The following CNTN5 variants were observed in gnomAD, a reference collection of about 807,000 sequenced individuals.
CNTN5 encodes contactin-5.
CNTN5 carries 77 observed loss-of-function variants against 129.1 expected under a neutral mutation model. The observed-to-expected ratio is 0.60, with a 90% CI of 0.50 to 0.72. The LOEUF (loss-of-function observed/expected upper bound fraction) is 0.72, where lower values mean the gene tolerates loss of function less well. Among genes scored for constraint, CNTN5 ranks in the 30% least tolerant of loss-of-function variants. The pLI is 0.00. For missense variants in CNTN5, 1,478 were observed against 1,328.8 expected (o/e 1.11, Z -1.75); for synonymous variants, 509 against 465.6 (o/e 1.09, Z -1.20).
At chr11:99,328,471 C>T (rs1345046016) in intron 2 of CNTN5, among the ~76,000 whole-genome samples, 1 of 152,074 alleles carries the variant, frequency 6.6e-6, no homozygotes, top group African/African-American at 2.4e-5. Flanking sequence ...TGTTTTACTA[C>T]TTGCAAAAAT....
rs375197895 is a variant in CNTN5 at position 99,642,544 on chromosome 11, A to G, written c.55+86275A>G. 1.2e-4 allele frequency among the ~76,000 whole-genome samples: 19 copies of G among 152,200 alleles called. No individual in the cohort carries two copies. In the East Asian group the frequency reaches 2.3e-3, roughly 18 times the overall value. On this transcript the variant is annotated intron_variant, in intron 3 of 24. Coordinates refer to ENST00000524871, the MANE Select transcript of CNTN5 (RefSeq NM_014361.4). ...GTGTGATGTTTTGATACATTTATAC[A>G]TCGTGTAATGAACAATTCAGGTAAT...
chr11:99,711,064 G>A (rs962217085), intron 3 of CNTN5, among the ~76,000 whole-genome samples: 3 of 151,824 alleles, frequency 2.0e-5, no homozygotes, highest in African/African-American at 7.3e-5. Context: ...GATTCTAATT[G>A]TACATAACCT....
chr11:99,261,314 C>A (rs2135824021), intron 1 of CNTN5, among the ~76,000 whole-genome samples: 1 of 152,028 alleles, frequency 6.6e-6, no homozygotes, highest in East Asian at 1.9e-4. Context: ...TAGACAATAT[C>A]TTCATAAGGG....
intron 13 of CNTN5, among the ~76,000 whole-genome samples, chr11:100,131,896 C>T (rs1203458244): frequency 6.6e-6 from 1 of 151,990 alleles, no homozygotes; most frequent in Non-Finnish European, 1.5e-5. Context: ...ACAGAGTATT[C>T]TAGGGACCTT....
At chr11:100,098,440 T>C (rs1945094025) in intron 13 of CNTN5, among the ~76,000 whole-genome samples, 1 of 152,070 alleles carries the variant, frequency 6.6e-6, no homozygotes, top group Admixed American at 6.6e-5. Flanking sequence ...ACTAGGATTT[T>C]CTTATTTCCA....
At chr11:99,839,993 G>A (rs1163402279) in intron 4 of CNTN5, among the ~76,000 whole-genome samples, 1 of 150,672 alleles carries the variant, frequency 6.6e-6, no homozygotes, top group African/African-American at 2.4e-5. Flanking sequence ...CTGAGTCACA[G>A]AAAAAAAAAT....
At chr11:100,057,471 T>C (rs1943284061) in intron 9 of CNTN5, among the ~76,000 whole-genome samples, 1 of 151,738 alleles carries the variant, frequency 6.6e-6, no homozygotes, top group South Asian at 2.1e-4. Flanking sequence ...TAATAATTTA[T>C]CTCACTTAAT....
intron 3 of CNTN5, among the ~76,000 whole-genome samples, chr11:99,728,620 A>C (rs190796463): frequency 3.3e-5 from 5 of 152,158 alleles, no homozygotes; most frequent in African/African-American, 9.7e-5. Flanking sequence ...AGTTGTCGGG[A>C]TAGAAACCTG....
intron 2 of CNTN5, among the ~76,000 whole-genome samples, chr11:99,427,461 T>C (rs746954227): frequency 3.3e-5 from 5 of 152,094 alleles, no homozygotes; most frequent in Admixed American, 6.6e-5. Context: ...GTTAAGCTTT[T>C]GGATTAAAAG....
chr11:99,837,979 T>G (rs1947359422), intron 4 of CNTN5, among the ~76,000 whole-genome samples: 1 of 152,088 alleles, frequency 6.6e-6, no homozygotes, highest in Non-Finnish European at 1.5e-5. Context: ...AATCTTAAAA[T>G]ATGAAGTTTA....
chr11:100,346,736 C>A (rs1235516800), intron 23 of CNTN5, among the ~76,000 whole-genome samples: 5 of 151,986 alleles, frequency 3.3e-5, no homozygotes, highest in Admixed American at 1.3e-4. Context: ...GAAATCAGGC[C>A]CAAAGTTTAC....
chr11:99,101,526 T>C (rs1866734315), intron 1 of CNTN5, among the ~76,000 whole-genome samples: 1 of 152,156 alleles, frequency 6.6e-6, no homozygotes, highest in Non-Finnish European at 1.5e-5. Context: ...GGTACAGACA[T>C]TGGGTAAATA....
intron 2 of CNTN5, among the ~76,000 whole-genome samples, chr11:99,337,365 C>T (rs552793726): frequency 7.4e-4 from 113 of 152,206 alleles, no homozygotes; most frequent in African/African-American, 2.7e-3. Context: ...GCTGAGAGCC[C>T]GGAACAGACA....
chr11:99,665,694 C>T (rs1253139659), intron 3 of CNTN5, among the ~76,000 whole-genome samples: 2 of 151,748 alleles, frequency 1.3e-5, no homozygotes, highest in Non-Finnish European at 2.9e-5. Context: ...ACAATGTTGG[C>T]CAGGCTGATC....
intron 13 of CNTN5, among the ~76,000 whole-genome samples, chr11:100,169,560 C>G (rs1947763003): frequency 1.3e-5 from 2 of 151,932 alleles, no homozygotes; most frequent in Non-Finnish European, 2.9e-5. Context: ...CGTTTTATAG[C>G]AATAAATTAT....
intron 2 of CNTN5, among the ~76,000 whole-genome samples, chr11:99,495,539 G>C (rs1457850278): frequency 6.6e-6 from 1 of 152,108 alleles, no homozygotes; most frequent in East Asian, 1.9e-4. Context: ...TTCTGAGTAG[G>C]CCTTTCAGAG....
chr11:99,043,311 A>C (rs1591095112), intron 1 of CNTN5, among the ~76,000 whole-genome samples: 1 of 118,246 alleles, frequency 8.5e-6, no homozygotes, highest in East Asian at 3.0e-4. Flanking sequence ...CAGTCCCCAG[A>C]GTGTGATATT....
intron 6 of CNTN5, among the ~76,000 whole-genome samples, chr11:99,866,191 G>A (rs1948350628): frequency 6.6e-6 from 1 of 152,102 alleles, no homozygotes; most frequent in Non-Finnish European, 1.5e-5. Flanking sequence ...TTGCTCTCTA[G>A]TGCACTTCTG....
At chr11:99,054,918 T>G in intron 1 of CNTN5, among the ~76,000 whole-genome samples, 1 of 152,040 alleles carries the variant, frequency 6.6e-6, no homozygotes, top group East Asian at 1.9e-4. Flanking sequence ...ACAAAAATTA[T>G]TTGCAAATTC....
Sources: gnomAD v4.1 joint callset for allele counts (sites outside exome capture counted in the v4.1 genomes callset) on GRCh38, gnomAD v4.1.1 for gene constraint, MANE v1.5 for transcripts, NCBI Gene and HGNC (gene_info 2026-07-23, HGNC 2026-07-21) for gene names.